Variants in BMPER observed in about 807,000 individuals in gnomAD.
The protein encoded by BMPER is BMP binding endothelial regulator.
A neutral mutation model predicts 87.3 loss-of-function variants in BMPER; 45 were observed. That is an observed-to-expected ratio of 0.52 (90% CI 0.41 to 0.66). BMPER has a LOEUF of 0.66. Ranked by LOEUF, BMPER falls within the 30% of genes least tolerant of loss-of-function variation. The pLI is 0.00. For missense variants in BMPER, 784 were observed against 867.5 expected, an observed-to-expected ratio of 0.90 and a Z score of 1.21; for synonymous variants, 326 against 316.2, an observed-to-expected ratio of 1.03 and a Z score of -0.33.
At chr7:34,138,647 G>A (rs956808188) in intron 13 of BMPER, among the ~76,000 whole-genome samples, 1 of 152,202 alleles carries the variant, frequency 6.6e-6, no homozygotes, top group African/African-American at 2.4e-5. Flanking sequence ...GTGACAGACA[G>A]TATGCTTTAA....
At chr7:34,028,110 C>T (rs948150014) in intron 6 of BMPER, among the ~76,000 whole-genome samples, 1 of 152,052 alleles carries the variant, frequency 6.6e-6, no homozygotes, top group Non-Finnish European at 1.5e-5. Context: ...TAAAACCCTC[C>T]TCTATTTTAA....
intron 13 of BMPER, among the ~76,000 whole-genome samples, chr7:34,090,482 T>G (rs1005162287): frequency 2.0e-5 from 3 of 152,088 alleles, no homozygotes; most frequent in African/African-American, 7.2e-5. Flanking sequence ...ACAAAGGCTC[T>G]CTGGAGATCC....
chr7:33,917,007 TGAA>T (rs1784102010), intron 2 of BMPER, among the ~76,000 whole-genome samples: 2 of 152,222 alleles, frequency 1.3e-5, no homozygotes, highest in Non-Finnish European at 1.5e-5. Flanking sequence ...TAATCACATT[TGAA>T]AATATAAGAT....
chr7:34,092,544 C>T (rs971290479), intron 13 of BMPER, among the ~76,000 whole-genome samples: 4 of 152,164 alleles, frequency 2.6e-5, no homozygotes, highest in Admixed American at 1.3e-4. Context: ...GCCTAATAGT[C>T]GCATCCCTTT....
At chr7:33,911,863 C>G (rs564691393) in intron 2 of BMPER, among the ~76,000 whole-genome samples, 1 of 152,098 alleles carries the variant, frequency 6.6e-6, no homozygotes, top group South Asian at 2.1e-4. Context: ...TTTAAAAATT[C>G]TTATTTCCTC....
chr7:34,070,178 C>T (rs375301850), intron 11 of BMPER, among the ~76,000 whole-genome samples: 3 of 151,882 alleles, frequency 2.0e-5, no homozygotes, highest in African/African-American at 4.8e-5. Context: ...TCTTGGAGAA[C>T]ATGTTCTTTC....
chr7:33,941,891 C>A (rs1472006252), intron 3 of BMPER, among the ~76,000 whole-genome samples: 1 of 152,160 alleles, frequency 6.6e-6, no homozygotes, highest in Non-Finnish European at 1.5e-5. Flanking sequence ...AGACTGAATT[C>A]TCCTGTATTT....
chr7:34,147,452 TG>T (rs1199458912), intron 14 of BMPER, among the ~76,000 whole-genome samples: 9 of 152,140 alleles, frequency 5.9e-5, no homozygotes, highest in Admixed American at 2.0e-4. Flanking sequence ...CTAACCACTT[TG>T]GCAGATCCCT....
chr7:34,003,906 G>A (rs1175436175), intron 6 of BMPER, among the ~76,000 whole-genome samples: 1 of 151,950 alleles, frequency 6.6e-6, no homozygotes, highest in East Asian at 1.9e-4. Context: ...TATCCTGCTT[G>A]AAGTTTATTG....
At chr7:33,994,318 C>T (rs1020295017) in intron 6 of BMPER, among the ~76,000 whole-genome samples, 12 of 152,340 alleles carry the variant, frequency 7.9e-5, no homozygotes, top group African/African-American at 2.6e-4. Flanking sequence ...GATATAATCT[C>T]GTGATGCGCT....
intron 6 of BMPER, among the ~76,000 whole-genome samples, chr7:34,018,972 C>G (rs927272664): frequency 1.3e-5 from 2 of 151,952 alleles, no homozygotes; most frequent in African/African-American, 4.8e-5. Flanking sequence ...TACCTGATAT[C>G]CTTGTAAAAT....
intron 6 of BMPER, among the ~76,000 whole-genome samples, chr7:34,010,685 G>T (rs1204111384): frequency 6.6e-6 from 1 of 151,790 alleles, no homozygotes; most frequent in South Asian, 2.1e-4. Context: ...CACCTCTAGG[G>T]TTATATTCAT....
chr7:34,003,997 C>T (rs979404586), intron 6 of BMPER, among the ~76,000 whole-genome samples: 1 of 151,986 alleles, frequency 6.6e-6, no homozygotes, highest in Non-Finnish European at 1.5e-5. Flanking sequence ...TCATTCAGCC[C>T]CTTTTTCCTG....
At chr7:34,120,517 G>A (rs553404858) in intron 13 of BMPER, among the ~76,000 whole-genome samples, 1 of 152,082 alleles carries the variant, frequency 6.6e-6, no homozygotes, top group African/African-American at 2.4e-5. Context: ...CTTTGCCTCA[G>A]CCTCCTGAGT....
At chr7:34,016,049 A>C (rs1258366143) in intron 6 of BMPER, among the ~76,000 whole-genome samples, 1 of 151,800 alleles carries the variant, frequency 6.6e-6, no homozygotes, top group East Asian at 2.0e-4. Context: ...AGAGAGAAGC[A>C]CTGTCAGGTT....
intron 14 of BMPER, among the ~76,000 whole-genome samples, chr7:34,144,926 T>TA (rs1790977821): frequency 6.6e-6 from 1 of 152,200 alleles, no homozygotes; most frequent in South Asian, 2.1e-4. Flanking sequence ...TGGTTGAAGA[T>TA]AAGAGTGGTC....
At chr7:34,041,915 G>C (rs1239949151) in intron 6 of BMPER, among the ~76,000 whole-genome samples, 2 of 152,126 alleles carry the variant, frequency 1.3e-5, no homozygotes, top group Non-Finnish European at 2.9e-5. Flanking sequence ...TCTTGTTAGG[G>C]AGCCAAGCTC....
chr7:34,096,884 A>G (rs1220788707), intron 13 of BMPER, among the ~76,000 whole-genome samples: 1 of 152,218 alleles, frequency 6.6e-6, no homozygotes, highest in Non-Finnish European at 1.5e-5. Flanking sequence ...AAGAGCATAG[A>G]TTCTTTTACA....
chr7:33,984,370 G>A (rs953202337), intron 6 of BMPER, among the ~76,000 whole-genome samples: 3 of 151,992 alleles, frequency 2.0e-5, no homozygotes, highest in Non-Finnish European at 4.4e-5. Context: ...AGAGGCTGAG[G>A]CAGGAGAATC....
Sources: allele counts gnomAD v4.1 joint callset (sites outside exome capture counted in the v4.1 genomes callset), GRCh38; gene constraint gnomAD v4.1.1; transcripts MANE v1.5; gene names NCBI Gene and HGNC (gene_info 2026-07-23, HGNC 2026-07-21).